Variants in TCEA1 observed in about 807,000 individuals in gnomAD.
The protein encoded by TCEA1 is transcription elongation factor A protein 1.
A neutral mutation model predicts 43.8 loss-of-function variants in TCEA1; 21 were observed. The observed-to-expected ratio is 0.48, with a 90% confidence interval of 0.34 to 0.69. The LOEUF is 0.69. Ranked by LOEUF, TCEA1 falls within the 30% of genes least tolerant of loss-of-function variation. The pLI is 0.01. For missense variants in TCEA1, 250 were observed against 365.1 expected (o/e 0.68, Z 2.57); for synonymous variants, 104 against 117.5 (o/e 0.88, Z 0.75).
At chr8:54,000,121 CTT>C in intron 2 of TCEA1, 71 bp from the exon 3 acceptor site, 1 of 921,652 alleles carries the variant, frequency 1.1e-6, no homozygotes, top group Non-Finnish European at 1.6e-6. Flanking sequence ...CACCTACATT[CTT>C]TTCTTTCCCA....
chr8:54,003,766 G>A (rs745446446), intron 2 of TCEA1, among the ~76,000 whole-genome samples: 2 of 151,752 alleles, frequency 1.3e-5, no homozygotes, highest in African/African-American at 4.8e-5. Flanking sequence ...CACCTAAGGC[G>A]CAAGCAATCA....
At chr8:53,987,118 A>T in intron 5 of TCEA1, 93 bp from the exon 6 acceptor site, 1 of 1,057,346 alleles carries the variant, frequency 9.5e-7, no homozygotes, top group Non-Finnish European at 1.4e-6. Flanking sequence ...TATTTCTTAA[A>T]CCCCATTTGC....
chr8:54,006,565 A>T (rs1461864594), intron 2 of TCEA1, among the ~76,000 whole-genome samples: 3 of 152,240 alleles, frequency 2.0e-5, no homozygotes, highest in Non-Finnish European at 4.4e-5. Context: ...AGAGATGCTC[A>T]TAAATATTAA....
intron 7 of TCEA1, among the ~76,000 whole-genome samples, chr8:53,982,695 T>C (rs1238493069): frequency 2.0e-5 from 3 of 151,578 alleles, no homozygotes; most frequent in Non-Finnish European, 2.9e-5. Context: ...GAAGTAGAGC[T>C]TCAAGATGTG....
At chr8:53,984,609 C>A in intron 6 of TCEA1, 92 bp from the exon 7 acceptor site, 2 of 1,129,934 alleles carry the variant, frequency 1.8e-6, no homozygotes, top group East Asian at 2.8e-5. Flanking sequence ...TGAGGCCAGG[C>A]ACGGTGGCTC....
intron 8 of TCEA1, among the ~76,000 whole-genome samples, chr8:53,970,899 A>C (rs1803137217): frequency 6.6e-6 from 1 of 152,242 alleles, no homozygotes. Flanking sequence ...CAGTCTGACA[A>C]ATATAACTCC....
intron 4 of TCEA1, among the ~76,000 whole-genome samples, chr8:53,991,309 C>T (rs566131562): frequency 1.8e-3 from 271 of 151,696 alleles, no homozygotes; most frequent in African/African-American, 6.3e-3. Flanking sequence ...AGGAGAATCG[C>T]TTGAACCTGG....
intron 2 of TCEA1, among the ~76,000 whole-genome samples, chr8:54,007,536 C>A (rs927755388): frequency 1.3e-5 from 2 of 152,066 alleles, no homozygotes; most frequent in African/African-American, 2.4e-5. Context: ...CAATAATGAG[C>A]AATTTCAATA....
intron 8 of TCEA1, chr8:53,973,638 C>T: frequency 1.8e-6 from 1 of 566,514 alleles, no homozygotes. Context: ...GATTGTGGAG[C>T]ACCAGAACCT....
At chr8:53,984,234 A>G (rs1803613783) in intron 7 of TCEA1, 129 bp downstream of exon 7, 1 of 863,678 alleles carries the variant, frequency 1.2e-6, no homozygotes, top group Non-Finnish European at 1.7e-6. Flanking sequence ...TGTCTAGTAT[A>G]TAAATATATC....
At chr8:54,004,857 G>A (rs1472795687) in intron 2 of TCEA1, among the ~76,000 whole-genome samples, 1 of 151,540 alleles carries the variant, frequency 6.6e-6, no homozygotes, top group East Asian at 1.9e-4. Flanking sequence ...ACCTTGTCTT[G>A]TCTGCCACTA....
At chr8:53,997,861 C>T (rs1317214359) in intron 3 of TCEA1, among the ~76,000 whole-genome samples, 1 of 152,146 alleles carries the variant, frequency 6.6e-6, no homozygotes, top group Non-Finnish European at 1.5e-5. Context: ...AGCAAGACCC[C>T]TATTTCAACA....
intron 3 of TCEA1, among the ~76,000 whole-genome samples, chr8:53,994,205 C>T (rs746882967): frequency 1.2e-4 from 19 of 152,146 alleles, no homozygotes; most frequent in Non-Finnish European, 2.2e-4. Context: ...ATTAGCCGGG[C>T]GTGGTGGTGC....
intron 3 of TCEA1, among the ~76,000 whole-genome samples, chr8:53,994,898 T>A (rs1452604533): frequency 6.6e-6 from 1 of 150,568 alleles, no homozygotes; most frequent in Non-Finnish European, 1.5e-5. Context: ...AGCAATGAGA[T>A]ATTATGAAAT....
intron 8 of TCEA1, chr8:53,973,174 G>T: frequency 3.8e-6 from 2 of 522,486 alleles, no homozygotes; most frequent in East Asian, 4.2e-5. Flanking sequence ...AAAGTCAGAA[G>T]GACGATGAAG....
Position 53,977,896 on chromosome 8 carries a change from T to C in TCEA1, c.825+1129A>G, listed in dbSNP as rs532745049. Among the ~76,000 whole-genome samples, 6 of 152,316 alleles carry C rather than the reference T, an allele frequency of 3.9e-5. No homozygotes were observed. In the South Asian group the frequency reaches 1.2e-3, roughly 32 times the overall value. On this transcript the variant is annotated intron_variant, in intron 8 of 9. Transcript: ENST00000521604. ...AGCCATGTGGAGGAGCGTGAAGAAC[T>C]TTCCTTAAATTATATAGTCCTGCAA...
chr8:54,003,347 T>A (rs2129309874), intron 2 of TCEA1, among the ~76,000 whole-genome samples: 1 of 152,238 alleles, frequency 6.6e-6, no homozygotes, highest in African/African-American at 2.4e-5. Flanking sequence ...CTGCCTTTAG[T>A]GTAGAAATTG....
At chr8:54,019,644 G>A (rs1035009458) in intron 1 of TCEA1, among the ~76,000 whole-genome samples, 25 of 149,960 alleles carry the variant, frequency 1.7e-4, no homozygotes, top group Non-Finnish European at 5.9e-5. Context: ...GAAAACTACC[G>A]AAAAAAAGAG....
chr8:53,995,463 A>C (rs1804026673), intron 3 of TCEA1, among the ~76,000 whole-genome samples: 1 of 152,146 alleles, frequency 6.6e-6, no homozygotes, highest in South Asian at 2.1e-4. Flanking sequence ...GTCTCAAAAA[A>C]AACAAAACAA....
Sources: gnomAD v4.1 joint callset for allele counts (sites outside exome capture counted in the v4.1 genomes callset) on GRCh38, gnomAD v4.1.1 for gene constraint, MANE v1.5 for transcripts, NCBI Gene and HGNC (gene_info 2026-07-23, HGNC 2026-07-21) for gene names.